TTC6: variants seen among roughly 807,000 people sequenced by gnomAD.
The protein encoded by TTC6 is tetratricopeptide repeat protein 6.
In TTC6, 172 loss-of-function variants were observed where a neutral mutation model predicts 210.4. The ratio of observed to expected loss-of-function variants is 0.82; its 90% CI spans 0.72 to 0.93. The LOEUF is 0.93. Among genes scored for constraint, TTC6 ranks in the 40% least tolerant of loss-of-function variants. TTC6 has a pLI of 0.00. For synonymous variants in TTC6, 804 were observed against 819.6 expected, an observed-to-expected ratio of 0.98 and a Z score of 0.32; for missense variants, 2,414 against 2,318.1, an observed-to-expected ratio of 1.04 and a Z score of -0.85.
At chr14:37,748,074 A>G (rs533555688) in intron 10 of TTC6, among the ~76,000 whole-genome samples, 1 of 152,328 alleles carries the variant, frequency 6.6e-6, no homozygotes, top group South Asian at 2.1e-4. Context: ...CCTGGCTGCC[A>G]TGCAGAGAAT....
intron 7 of TTC6, among the ~76,000 whole-genome samples, chr14:37,730,689 G>A (rs1216100424): frequency 6.6e-6 from 1 of 152,158 alleles, no homozygotes; most frequent in Non-Finnish European, 1.5e-5. Context: ...ATTTGTGGAT[G>A]TATATTTATT....
intron 14 of TTC6, among the ~76,000 whole-genome samples, chr14:37,757,963 G>A (rs975045828): frequency 1.3e-5 from 2 of 152,264 alleles, no homozygotes; most frequent in African/African-American, 4.8e-5. Context: ...GGAGCTGGTT[G>A]TTCAGTTTCC....
intron 1 of TTC6, among the ~76,000 whole-genome samples, chr14:37,631,517 C>G (rs1595036876): frequency 6.6e-6 from 1 of 152,140 alleles, no homozygotes; most frequent in African/African-American, 2.4e-5. Context: ...GTGGGTAACC[C>G]AACCTTTCTG....
At chr14:37,830,856 T>C (rs2096183122) in intron 29 of TTC6, among the ~76,000 whole-genome samples, 1 of 152,186 alleles carries the variant, frequency 6.6e-6, no homozygotes, top group South Asian at 2.1e-4. Context: ...TATTTTGATA[T>C]GTGCATACAA....
At chr14:37,623,104 G>A in intron 1 of TTC6, 101 bp downstream of exon 3, 1 of 828,220 alleles carries the variant, frequency 1.2e-6, no homozygotes, top group Non-Finnish European at 1.8e-6. Flanking sequence ...CAGTGCATAA[G>A]GTGTCATGTA....
At chr14:37,731,332 C>T (rs561194540) in intron 7 of TTC6, among the ~76,000 whole-genome samples, 11 of 152,278 alleles carry the variant, frequency 7.2e-5, no homozygotes, top group African/African-American at 2.4e-4. Context: ...AGCCTTCTTG[C>T]ACTTAGGAAC....
At chr14:37,726,330 G>C (rs557218339) in intron 7 of TTC6, among the ~76,000 whole-genome samples, 10 of 152,316 alleles carry the variant, frequency 6.6e-5, no homozygotes, top group African/African-American at 2.4e-4. Context: ...GCTGTTGCTT[G>C]AAATGGGGTC....
At chr14:37,793,914 A>G (rs1439209685) in intron 17 of TTC6, among the ~76,000 whole-genome samples, 1 of 152,206 alleles carries the variant, frequency 6.6e-6, no homozygotes, top group Non-Finnish European at 1.5e-5. Context: ...GGCTCACAAA[A>G]GAGTGTGAAG....
chr14:37,636,045 A>G (rs960657711), intron 1 of TTC6, among the ~76,000 whole-genome samples: 1 of 151,820 alleles, frequency 6.6e-6, no homozygotes, highest in African/African-American at 2.4e-5. Flanking sequence ...ACTTTATAAT[A>G]TTGTAAAAGG....
chr14:37,795,162 T>G, intron 17 of TTC6, 108 bp from the exon 20 acceptor site: 2 of 616,606 alleles, frequency 3.2e-6, no homozygotes, highest in Non-Finnish European at 2.7e-6. Flanking sequence ...ACATGTATGT[T>G]AGGAGATGTC....
chr14:37,776,043 C>CTTTTTT (rs1163694975), intron 14 of TTC6, among the ~76,000 whole-genome samples: 20 of 26,292 alleles, frequency 7.6e-4, no homozygotes, highest in South Asian at 1.6e-3. Flanking sequence ...GGTCTTGATT[C>CTTTTTT]TTTTTTTTTT....
intron 5 of TTC6, among the ~76,000 whole-genome samples, chr14:37,704,219 A>C (rs901385496): frequency 6.6e-6 from 1 of 152,008 alleles, no homozygotes; most frequent in Non-Finnish European, 1.5e-5. Context: ...GCACTAGGCT[A>C]ATTATTATAT....
chr14:37,770,246 G>T (rs1414490844), intron 14 of TTC6, among the ~76,000 whole-genome samples: 1 of 152,170 alleles, frequency 6.6e-6, no homozygotes, highest in East Asian at 1.9e-4. Flanking sequence ...TTTGGAATAG[G>T]TATGGTGTGG....
At chr14:37,818,902 T>A (rs1028068021) in intron 26 of TTC6, among the ~76,000 whole-genome samples, 1 of 152,176 alleles carries the variant, frequency 6.6e-6, no homozygotes, top group African/African-American at 2.4e-5. Flanking sequence ...GTGTCCGAGC[T>A]TGTTGCATTC....
rs35078384 is a variant in TTC6 at position 37,821,772 on chromosome 14, CTTTT to C, written c.4764-1953_4764-1950del. Among the ~76,000 whole-genome samples, 204 of 69,142 alleles carry C rather than the reference CTTTT, an allele frequency of 3.0e-3. 1 individual carries two copies. Among genetic ancestry groups the C allele is most frequent in the African/African-American group, 0.013 (190 of 15,034 alleles). 45.4% of individuals were successfully genotyped at this position (69,142 alleles called of 152,430 possible). On this transcript the variant is annotated intron_variant, in intron 26 of 30. Coordinates refer to ENST00000553443, the Ensembl canonical transcript of TTC6. ...GAGAATGTCTCAGCTAAGAGCTAGT[CTTTT>C]TTTTTTTTTTTTTTTTTTTTTGAGA...
intron 4 of TTC6, among the ~76,000 whole-genome samples, chr14:37,699,279 A>G (rs578009762): frequency 3.3e-4 from 50 of 152,346 alleles, no homozygotes; most frequent in Non-Finnish European, 5.0e-4. Context: ...ACTGATGAGA[A>G]TAGCTAACTT....
chr14:37,697,991 A>G (rs1209266310), intron 4 of TTC6, among the ~76,000 whole-genome samples: 1 of 152,158 alleles, frequency 6.6e-6, no homozygotes, highest in African/African-American at 2.4e-5. Context: ...ATAAAAACAC[A>G]CAGCCTTTCC....
exon 10 of TTC6, chr14:37,738,884 G>A: frequency 6.5e-7 from 1 of 1,535,154 alleles, no homozygotes; most frequent in Non-Finnish European, 8.7e-7. Flanking sequence ...GAAAGCAAAG[G>A]AATTGAAACG....
At chr14:37,725,348 AT>A (rs1667759821) in intron 7 of TTC6, among the ~76,000 whole-genome samples, 1 of 113,296 alleles carries the variant, frequency 8.8e-6, no homozygotes, top group African/African-American at 3.3e-5. Context: ...ATATATATAT[AT>A]ATATATATAA....
Sources: allele counts gnomAD v4.1 joint callset (sites outside exome capture counted in the v4.1 genomes callset), GRCh38; gene constraint gnomAD v4.1.1; transcripts MANE v1.5; gene names NCBI Gene and HGNC (gene_info 2026-07-23, HGNC 2026-07-21).